Variants in RSU1 observed in about 807,000 individuals in gnomAD.
RSU1 encodes rsu-1.
In RSU1, 26 loss-of-function variants were observed where a neutral mutation model predicts 31.1. The ratio of observed to expected loss-of-function variants is 0.84; its 90% CI spans 0.61 to 1.16. The LOEUF (loss-of-function observed/expected upper bound fraction) is 1.16. Among genes scored for constraint, RSU1 ranks in the 50% most tolerant of loss-of-function variants. The pLI is 0.00. For missense variants in RSU1, 320 were observed against 339.1 expected (o/e 0.94, Z 0.44); for synonymous variants, 164 against 136.3 (o/e 1.20, Z -1.41).
At chr10:16,745,266 A>C (rs985723608) in intron 7 of RSU1, among the ~76,000 whole-genome samples, 1 of 152,162 alleles carries the variant, frequency 6.6e-6, no homozygotes, top group African/African-American at 2.4e-5. Context: ...AATCAAGGCT[A>C]AATTCTTTAA....
chr10:16,733,333 TAAAAA>T (rs569239845), intron 7 of RSU1, among the ~76,000 whole-genome samples: 4 of 79,640 alleles, frequency 5.0e-5, no homozygotes, highest in Admixed American at 1.5e-4. Context: ...TCTACGACAA[TAAAAA>T]AAAAAAAAAA....
rs532507055 is a variant in RSU1 at position 16,613,931 on chromosome 10, A to C, written c.732-20435T>G. Among the ~76,000 whole-genome samples, 3 of 152,320 alleles carry C rather than the reference A, an allele frequency of 2.0e-5. No individual in the cohort carries two copies. The East Asian group carries it at 5.8e-4, about 29-fold the overall frequency. On this transcript the variant is annotated intron_variant, in intron 8 of 8. Transcript: ENST00000345264. Reference sequence around the variant, plus strand: ...AAAATACATGAAACAATCTATTGCCAGGCTATATTCCTTGGGAATTGGAGG... The same window carrying C: ...AAAATACATGAAACAATCTATTGCCCGGCTATATTCCTTGGGAATTGGAGG...
chr10:16,705,924 A>T (rs760991335), intron 7 of RSU1, among the ~76,000 whole-genome samples: 14 of 152,152 alleles, frequency 9.2e-5, no homozygotes, highest in Non-Finnish European at 1.9e-4. Flanking sequence ...TTATAGGCAC[A>T]CACCACCACA....
At chr10:16,700,369 G>A (rs1835765996) in intron 7 of RSU1, among the ~76,000 whole-genome samples, 1 of 152,072 alleles carries the variant, frequency 6.6e-6, no homozygotes. Flanking sequence ...ATTGGGTATA[G>A]CCCATCATTA....
intron 8 of RSU1, among the ~76,000 whole-genome samples, chr10:16,618,493 T>G (rs568549190): frequency 6.6e-6 from 1 of 152,222 alleles, no homozygotes; most frequent in Non-Finnish European, 1.5e-5. Context: ...CCCAAAGGAT[T>G]ATAAATCATT....
At chr10:16,795,285 C>G (rs1838005763) in intron 2 of RSU1, among the ~76,000 whole-genome samples, 1 of 140,920 alleles carries the variant, frequency 7.1e-6, no homozygotes, top group South Asian at 2.2e-4. Flanking sequence ...ACCCAGGAAG[C>G]AGTGGTTGCA....
chr10:16,640,033 T>C (rs552631957), intron 8 of RSU1, among the ~76,000 whole-genome samples: 1 of 152,304 alleles, frequency 6.6e-6, no homozygotes, highest in South Asian at 2.1e-4. Flanking sequence ...TACAAAGTTA[T>C]GGGCCAAAGT....
intron 7 of RSU1, among the ~76,000 whole-genome samples, chr10:16,743,343 G>A (rs2131612175): frequency 1.3e-5 from 2 of 152,292 alleles, no homozygotes; most frequent in East Asian, 3.9e-4. Flanking sequence ...AATAAGCCAT[G>A]TCAATAACGT....
chr10:16,653,574 A>G (rs1834723310), intron 8 of RSU1, among the ~76,000 whole-genome samples: 1 of 152,150 alleles, frequency 6.6e-6, no homozygotes, highest in South Asian at 2.1e-4. Flanking sequence ...TCCTTGGTTG[A>G]AAATTCTGCA....
intron 8 of RSU1, among the ~76,000 whole-genome samples, chr10:16,633,714 T>G (rs1289108080): frequency 6.6e-6 from 1 of 152,198 alleles, no homozygotes; most frequent in Non-Finnish European, 1.5e-5. Flanking sequence ...TTGGCCTAAG[T>G]GACCTCCACT....
At chr10:16,772,641 GAAAAAAAAAAAAA>G (rs60460081) in intron 3 of RSU1, among the ~76,000 whole-genome samples, 1 of 64,774 alleles carries the variant, frequency 1.5e-5, no homozygotes, top group Non-Finnish European at 3.1e-5. Context: ...AGTAGAATAT[GAAAAAAAAAAAAA>G]AAAAAAACAA....
intron 8 of RSU1, among the ~76,000 whole-genome samples, chr10:16,640,170 A>G (rs918402124): frequency 5.9e-5 from 9 of 152,114 alleles, no homozygotes; most frequent in Admixed American, 4.6e-4. Context: ...GAGAAAGAGG[A>G]TAAATGCTGG....
At chr10:16,760,758 T>G (rs561599289) in intron 4 of RSU1, among the ~76,000 whole-genome samples, 2 of 152,208 alleles carry the variant, frequency 1.3e-5, no homozygotes, top group African/African-American at 4.8e-5. Context: ...CCACCTCCAC[T>G]GTCACTGTCC....
At chr10:16,783,910 C>G (rs1469043960) in intron 2 of RSU1, among the ~76,000 whole-genome samples, 4 of 152,118 alleles carry the variant, frequency 2.6e-5, no homozygotes, top group Non-Finnish European at 4.4e-5. Context: ...CTCCAAATGT[C>G]CCAATCATTT....
intron 8 of RSU1, among the ~76,000 whole-genome samples, chr10:16,621,075 T>G (rs1834060811): frequency 6.6e-6 from 1 of 152,198 alleles, no homozygotes; most frequent in African/African-American, 2.4e-5. Context: ...AAATGACTTA[T>G]GTGTGACTTA....
chr10:16,705,965 G>A (rs766662250), intron 7 of RSU1, among the ~76,000 whole-genome samples: 4 of 152,276 alleles, frequency 2.6e-5, no homozygotes, highest in Non-Finnish European at 5.9e-5. Flanking sequence ...TCTGTGGTTG[G>A]TTGAATCCAT....
At chr10:16,692,936 T>G (rs1157298102) in intron 8 of RSU1, among the ~76,000 whole-genome samples, 1 of 152,164 alleles carries the variant, frequency 6.6e-6, no homozygotes, top group Admixed American at 6.5e-5. Flanking sequence ...TTTGGCAATT[T>G]TAGTGTATTT....
chr10:16,670,380 C>T (rs114149908), intron 8 of RSU1, among the ~76,000 whole-genome samples: 1,882 of 152,298 alleles, frequency 0.012, 43 homozygotes, highest in African/African-American at 0.043. Flanking sequence ...CTCCTCAAAG[C>T]AGCTAGCAAT....
intron 7 of RSU1, among the ~76,000 whole-genome samples, chr10:16,745,277 G>A (rs911558870): frequency 3.9e-5 from 6 of 152,110 alleles, no homozygotes; most frequent in Non-Finnish European, 7.4e-5. Flanking sequence ...AATTCTTTAA[G>A]CAGATTATCC....
Sources: allele counts gnomAD v4.1 joint callset (sites outside exome capture counted in the v4.1 genomes callset), GRCh38; gene constraint gnomAD v4.1.1; transcripts MANE v1.5; gene names NCBI Gene and HGNC (gene_info 2026-07-23, HGNC 2026-07-21).